PRKCE: variants seen among roughly 807,000 people sequenced by gnomAD.
The protein encoded by PRKCE is protein kinase C epsilon type.
PRKCE carries 16 observed loss-of-function variants against 85.4 expected under a neutral mutation model. The ratio of observed to expected loss-of-function variants is 0.19; its 90% CI spans 0.13 to 0.28. The LOEUF (loss-of-function observed/expected upper bound fraction) is 0.28, where lower values mean the gene tolerates loss of function less well. Among genes scored for constraint, PRKCE ranks in the 10% least tolerant of loss-of-function variants. The probability of loss-of-function intolerance (pLI) is 1.00; values close to 1 mark genes in which losing one functional copy is unlikely to be tolerated. For synonymous variants in PRKCE, 388 were observed against 371.5 expected (o/e 1.04, Z -0.51); for missense variants, 573 against 975.2 (o/e 0.59, Z 5.49).
At chr2:45,681,756 A>G (rs1372243954) in intron 1 of PRKCE, among the ~76,000 whole-genome samples, 1 of 152,188 alleles carries the variant, frequency 6.6e-6, no homozygotes, top group African/African-American at 2.4e-5. Context: ...TGGGAATCCA[A>G]ACCCCAAGGA....
intron 2 of PRKCE, among the ~76,000 whole-genome samples, chr2:45,870,011 A>G (rs1693961902): frequency 6.6e-6 from 1 of 151,984 alleles, no homozygotes; most frequent in African/African-American, 2.4e-5. Context: ...CGGCCCCATT[A>G]CATTTTTCTA....
intron 1 of PRKCE, among the ~76,000 whole-genome samples, chr2:45,744,481 CTTTCTTTT>C (rs1440006198): frequency 1.2e-3 from 51 of 43,058 alleles, no homozygotes; most frequent in Non-Finnish European, 1.9e-3. Context: ...TTCTTTCTTT[CTTTCTTTT>C]TCTTTCTTTC....
intron 1 of PRKCE, among the ~76,000 whole-genome samples, chr2:45,700,354 G>C (rs1378117953): frequency 6.6e-6 from 1 of 152,080 alleles, no homozygotes; most frequent in Non-Finnish European, 1.5e-5. Context: ...GGTAAGCAGA[G>C]GTCCTGGGTA....
chr2:45,873,507 G>C (rs1305907467), intron 2 of PRKCE, among the ~76,000 whole-genome samples: 2 of 151,938 alleles, frequency 1.3e-5, no homozygotes, highest in African/African-American at 4.8e-5. Flanking sequence ...ACCACAGATA[G>C]GTTGAGAGGT....
chr2:45,822,039 G>A (rs892826417), intron 1 of PRKCE, among the ~76,000 whole-genome samples: 3 of 152,186 alleles, frequency 2.0e-5, no homozygotes, highest in Non-Finnish European at 2.9e-5. Context: ...GCCGGCTTCG[G>A]CTGAAGGGCC....
intron 2 of PRKCE, among the ~76,000 whole-genome samples, chr2:45,916,240 A>ATTT (rs748796035): frequency 7.0e-6 from 1 of 141,854 alleles, no homozygotes; most frequent in Admixed American, 7.1e-5. Flanking sequence ...GCACTGAGAA[A>ATTT]TTTTTTTTTT....
intron 2 of PRKCE, among the ~76,000 whole-genome samples, chr2:45,946,864 C>T (rs566790125): frequency 1.3e-5 from 2 of 152,238 alleles, no homozygotes; most frequent in East Asian, 3.8e-4. Flanking sequence ...GGGTCAACTC[C>T]TATTAACTGT....
intron 1 of PRKCE, among the ~76,000 whole-genome samples, chr2:45,732,414 C>G (rs1436345064): frequency 6.6e-6 from 1 of 152,058 alleles, no homozygotes; most frequent in Non-Finnish European, 1.5e-5. Context: ...TATCATATAA[C>G]CAGGAGCTTA....
intron 2 of PRKCE, among the ~76,000 whole-genome samples, chr2:45,847,012 C>T (rs1045617119): frequency 6.6e-6 from 1 of 152,324 alleles, no homozygotes; most frequent in Non-Finnish European, 1.5e-5. Flanking sequence ...TGGGGTGGGA[C>T]ATGTTCACAA....
chr2:45,879,545 C>T (rs1305719097), intron 2 of PRKCE, among the ~76,000 whole-genome samples: 2 of 152,246 alleles, frequency 1.3e-5, no homozygotes, highest in African/African-American at 4.8e-5. Flanking sequence ...GCCTGTAACA[C>T]ATGACCTCTG....
At chr2:46,058,358 CCAGATG>C (rs1167982189) in intron 10 of PRKCE, among the ~76,000 whole-genome samples, 1 of 152,208 alleles carries the variant, frequency 6.6e-6, no homozygotes, top group African/African-American at 2.4e-5. Flanking sequence ...TGGCTGGGAT[CCAGATG>C]CTCATTGTGT....
chr2:45,764,942 C>T (rs540127870), intron 1 of PRKCE, among the ~76,000 whole-genome samples: 1 of 152,316 alleles, frequency 6.6e-6, no homozygotes, highest in African/African-American at 2.4e-5. Flanking sequence ...TCTCTGGCAT[C>T]TCTCAGGTCT....
chr2:45,728,458 AAC>A (rs1221273303), intron 1 of PRKCE, among the ~76,000 whole-genome samples: 1 of 152,144 alleles, frequency 6.6e-6, no homozygotes, highest in African/African-American at 2.4e-5. Flanking sequence ...CCCATGCCCA[AAC>A]ACACGCACTC....
Position 45,903,229 on chromosome 2 carries a change from C to G in PRKCE, c.412+60166C>G, listed in dbSNP as rs1696702482. Among the ~76,000 whole-genome samples the G allele has an allele frequency of 1.3e-5, 2 of 152,218 alleles. 1 individual carries two copies. The highest frequency in any genetic ancestry group is 1.3e-4 in the Admixed American group (2 of 15,290). On this transcript the variant is annotated intron_variant, in intron 2 of 14. Coordinates refer to ENST00000306156, the MANE Select transcript of PRKCE (RefSeq NM_005400.3). ...GAATGAGGAGTCCTCCAAGGGATCCCTGCCTGGCAAGAAATACCCTCAGGC... is the reference window on the plus strand; with the variant it reads ...GAATGAGGAGTCCTCCAAGGGATCCGTGCCTGGCAAGAAATACCCTCAGGC...
At chr2:45,806,438 A>G (rs1431279848) in intron 1 of PRKCE, among the ~76,000 whole-genome samples, 1 of 152,240 alleles carries the variant, frequency 6.6e-6, no homozygotes, top group Non-Finnish European at 1.5e-5. Context: ...CAAAATACAC[A>G]TAAAACTGAA....
chr2:45,718,077 C>T (rs1680293360), intron 1 of PRKCE, among the ~76,000 whole-genome samples: 1 of 152,206 alleles, frequency 6.6e-6, no homozygotes, highest in South Asian at 2.1e-4. Context: ...GTTTATAGCA[C>T]TCAGCACTAT....
chr2:46,062,668 C>A (rs1356512848), intron 10 of PRKCE, among the ~76,000 whole-genome samples: 1 of 73,260 alleles, frequency 1.4e-5, no homozygotes, highest in Non-Finnish European at 2.3e-5. Flanking sequence ...AAAGCTCAGC[C>A]TTTTTTTTTT....
intron 10 of PRKCE, among the ~76,000 whole-genome samples, chr2:46,052,345 T>C (rs1708908855): frequency 6.6e-6 from 1 of 152,212 alleles, no homozygotes; most frequent in Non-Finnish European, 1.5e-5. Context: ...CAGTTCTTTA[T>C]ACTAGCAATG....
chr2:45,680,071 A>T (rs559568116), intron 1 of PRKCE, among the ~76,000 whole-genome samples: 18 of 152,384 alleles, frequency 1.2e-4, no homozygotes, highest in Admixed American at 2.0e-4. Context: ...TCAGAGATGA[A>T]CAGGTTTATT....
Sources: gnomAD v4.1 joint callset for allele counts (sites outside exome capture counted in the v4.1 genomes callset) on GRCh38, gnomAD v4.1.1 for gene constraint, MANE v1.5 for transcripts, NCBI Gene and HGNC (gene_info 2026-07-23, HGNC 2026-07-21) for gene names.